Variants in MRPL48 observed in about 807,000 individuals in gnomAD.
MRPL48 encodes the protein large ribosomal subunit protein mL48.
A neutral mutation model predicts 32.9 loss-of-function variants in MRPL48; 16 were observed. The ratio of observed to expected loss-of-function variants is 0.49; its 90% CI spans 0.33 to 0.74. The LOEUF is 0.74. MRPL48 is among the 30% of genes least tolerant of loss of function. MRPL48 has a pLI of 0.02. For missense variants in MRPL48, 206 were observed against 245.3 expected (o/e 0.84, Z 1.07); for synonymous variants, 94 against 89.2 (o/e 1.05, Z -0.31).
intron 4 of MRPL48, chr11:73,842,107 C>T (rs772557703): frequency 3.9e-5 from 6 of 151,930 alleles, no homozygotes; most frequent in Non-Finnish European, 5.9e-5. Context: ...TGCACCACCA[C>T]GGCTGGCTAA....
At chr11:73,835,304 G>C (rs1948078941) in intron 4 of MRPL48, among the ~76,000 whole-genome samples, 3 of 151,986 alleles carry the variant, frequency 2.0e-5, no homozygotes, top group Admixed American at 2.0e-4. Context: ...ACCATGCCCA[G>C]CAGATTTTTG....
chr11:73,825,596 A>G (rs763114192), intron 3 of MRPL48, 112 bp from the exon 4 acceptor site: 25 of 900,630 alleles, frequency 2.8e-5, no homozygotes, highest in Non-Finnish European at 3.9e-5. Flanking sequence ...TCAATGAGCT[A>G]TGAGATGGCA....
intron 3 of MRPL48, among the ~76,000 whole-genome samples, chr11:73,824,102 C>T (rs1466853507): frequency 6.6e-6 from 1 of 151,952 alleles, no homozygotes; most frequent in Non-Finnish European, 1.5e-5. Context: ...GATCTACCTG[C>T]CTCGGCCTCC....
intron 4 of MRPL48, among the ~76,000 whole-genome samples, chr11:73,838,451 T>C (rs561856333): frequency 6.6e-6 from 1 of 152,192 alleles, no homozygotes; most frequent in Non-Finnish European, 1.5e-5. Context: ...CTTTCTTTTC[T>C]TTGTTCCCCT....
At chr11:73,827,155 C>T (rs1389480662) in intron 4 of MRPL48, among the ~76,000 whole-genome samples, 1 of 151,984 alleles carries the variant, frequency 6.6e-6, no homozygotes, top group Non-Finnish European at 1.5e-5. Context: ...GAAGCTGAGG[C>T]AGGCAGATCT....
chr11:73,787,997 C>G lies in MRPL48; in HGVS notation c.21+5C>G. 6.4e-7 allele frequency: 1 copy of G among 1,574,752 alleles called. No individual in the cohort carries two copies. Among genetic ancestry groups the G allele is most frequent in the Non-Finnish European group, 8.6e-7 (1 of 1,160,452 alleles). Reference sequence around the variant, plus strand: ...ATGAGCGGAACCTTGGAAAAGGTAACGTAGATTCCACGCACGCGGGGCGCG... The same window carrying G: ...ATGAGCGGAACCTTGGAAAAGGTAAGGTAGATTCCACGCACGCGGGGCGCG... On this transcript the variant is annotated splice_donor_5th_base_variant and intron_variant, in intron 1 of 7. Coordinates refer to ENST00000310614, the MANE Select transcript of MRPL48 (RefSeq NM_016055.6).
chr11:73,788,607 G>A (rs958459978), intron 1 of MRPL48, among the ~76,000 whole-genome samples: 1 of 151,166 alleles, frequency 6.6e-6, no homozygotes, highest in Non-Finnish European at 1.5e-5. Flanking sequence ...CTCAGTAGCT[G>A]GGACTACAGG....
At chr11:73,813,091 C>T (rs1344658570) in intron 3 of MRPL48, among the ~76,000 whole-genome samples, 1 of 151,922 alleles carries the variant, frequency 6.6e-6, no homozygotes, top group African/African-American at 2.4e-5. Flanking sequence ...AATTATGTCT[C>T]ATTTTAATTT....
At chr11:73,862,666 A>C (rs886975740) in intron 6 of MRPL48, among the ~76,000 whole-genome samples, 2 of 152,276 alleles carry the variant, frequency 1.3e-5, no homozygotes, top group East Asian at 3.9e-4. Context: ...CTGTAAACCT[A>C]GCACTTTTGG....
chr11:73,863,279 A>C lies in MRPL48; in HGVS notation c.564+18A>C, dbSNP rs779431057. ...TGAAGGAGGTAGGTGCTGGTTTGAG[A>C]AGAGGCCCCTGCTGGCCTGCATATG... On this transcript the variant is annotated intron_variant, in intron 7 of 7. Coordinates refer to ENST00000310614, the MANE Select transcript of MRPL48 (RefSeq NM_016055.6). 17 of 1,547,628 alleles carry C rather than the reference A, an allele frequency of 1.1e-5. No homozygotes were observed. Among genetic ancestry groups the C allele is most frequent in the Non-Finnish European group, 1.4e-5 (16 of 1,141,996 alleles).
chr11:73,825,573 G>C, intron 3 of MRPL48, 135 bp from the exon 4 acceptor site: 1 of 712,028 alleles, frequency 1.4e-6, no homozygotes, highest in Non-Finnish European at 2.3e-6. Flanking sequence ...TCTTGTACCA[G>C]AAGTTCGAGG....
chr11:73,833,783 T>C (rs1423472914), intron 4 of MRPL48, among the ~76,000 whole-genome samples: 1 of 152,162 alleles, frequency 6.6e-6, no homozygotes, highest in Non-Finnish European at 1.5e-5. Flanking sequence ...CAAGTGATCT[T>C]CTCACCCCAG....
intron 1 of MRPL48, among the ~76,000 whole-genome samples, chr11:73,801,188 T>C (rs1947358252): frequency 6.6e-6 from 1 of 152,220 alleles, no homozygotes; most frequent in African/African-American, 2.4e-5. Context: ...ATCTGAACAA[T>C]TAAAATGAGA....
At chr11:73,854,844 AT>A (rs968348561) in intron 5 of MRPL48, among the ~76,000 whole-genome samples, 1 of 152,124 alleles carries the variant, frequency 6.6e-6, no homozygotes, top group African/African-American at 2.4e-5. Context: ...AGCTAAGTAC[AT>A]TTTTTTGTGT....
At chr11:73,844,713 A>G (rs1948254590) in intron 4 of MRPL48, 94 bp from the exon 5 acceptor site, 3 of 1,383,782 alleles carry the variant, frequency 2.2e-6, no homozygotes, top group Non-Finnish European at 2.9e-6. Flanking sequence ...GAACAAATTT[A>G]TTAGAAAGAT....
rs1947067853 is a variant in MRPL48 at position 73,787,917 on chromosome 11, G to C, written c.-55G>C. 1 of 1,600,804 alleles carries C rather than the reference G, an allele frequency of 6.2e-7. No individual in the cohort carries two copies. Among genetic ancestry groups the C allele is most frequent in the Non-Finnish European group, 8.5e-7 (1 of 1,172,410 alleles). ...GTGTTTTCAGACGCCCTGGGAACGC[G>C]GCTGCAGGGTCCGGTCTTCGGTTTG... On this transcript the variant is annotated 5_prime_UTR_variant, in exon 1 of 8. Coordinates refer to ENST00000310614, the MANE Select transcript of MRPL48 (RefSeq NM_016055.6).
chr11:73,852,620 A>C (rs2135072090), intron 5 of MRPL48, among the ~76,000 whole-genome samples: 1 of 152,268 alleles, frequency 6.6e-6, no homozygotes, highest in East Asian at 1.9e-4. Context: ...GGATGTGGAG[A>C]AAAAGGAACC....
intron 4 of MRPL48, among the ~76,000 whole-genome samples, chr11:73,828,340 T>G (rs1364837999): frequency 6.6e-6 from 1 of 151,380 alleles, no homozygotes; most frequent in Non-Finnish European, 1.5e-5. Flanking sequence ...GCCTCCCATC[T>G]CAGCCTCCTG....
At chr11:73,826,689 G>A (rs1947897579) in intron 4 of MRPL48, among the ~76,000 whole-genome samples, 1 of 151,824 alleles carries the variant, frequency 6.6e-6, no homozygotes, top group South Asian at 2.1e-4. Flanking sequence ...ATGTTGACCA[G>A]CCCAGGTCTT....
Sources: gnomAD v4.1 joint callset for allele counts (sites outside exome capture counted in the v4.1 genomes callset) on GRCh38, gnomAD v4.1.1 for gene constraint, MANE v1.5 for transcripts, NCBI Gene and HGNC (gene_info 2026-07-23, HGNC 2026-07-21) for gene names.